Variants in NUBPL observed in about 807,000 individuals in gnomAD.
NUBPL encodes the protein NUBP iron-sulfur cluster assembly factor, mitochondrial.
A neutral mutation model predicts 45.7 loss-of-function variants in NUBPL; 31 were observed. That is an observed-to-expected ratio of 0.68 (90% CI 0.51 to 0.92). The LOEUF (loss-of-function observed/expected upper bound fraction) is 0.92, where lower values mean the gene tolerates loss of function less well. NUBPL is among the 40% of genes least tolerant of loss of function. The pLI is 0.00. For missense variants in NUBPL, 401 were observed against 398.7 expected (o/e 1.01, Z -0.05); for synonymous variants, 144 against 140.9 (o/e 1.02, Z -0.15).
intron 10 of NUBPL, among the ~76,000 whole-genome samples, chr14:31,853,582 C>T (rs2040573659): frequency 6.6e-6 from 1 of 152,156 alleles, no homozygotes; most frequent in African/African-American, 2.4e-5. Flanking sequence ...ATTTAACTTT[C>T]AGAAGAGGCA....
At chr14:31,846,104 C>G (rs2040447585) in intron 8 of NUBPL, 1 of 300,268 alleles carries the variant, frequency 3.3e-6, no homozygotes, top group Non-Finnish European at 6.4e-6. Flanking sequence ...TATTTTGCTA[C>G]CTTGGCTTGT....
intron 3 of NUBPL, among the ~76,000 whole-genome samples, chr14:31,569,115 AG>A (rs1188483880): frequency 1.3e-5 from 2 of 152,200 alleles, no homozygotes; most frequent in East Asian, 3.8e-4. Flanking sequence ...TCACTGGTCT[AG>A]GCTAAAGGAA....
rs2040676460 is a variant in NUBPL, at chr14:31,859,365, T to A, written c.*185T>A. 1 of 619,976 alleles carries A rather than the reference T, an allele frequency of 1.6e-6. No individual in the cohort carries two copies. Among genetic ancestry groups the A allele is most frequent in the Non-Finnish European group, 2.9e-6 (1 of 345,202 alleles). The allele number at this position is 619,976 out of a possible 1,614,324, so 38.4% of individuals were successfully genotyped here. On this transcript the variant is annotated 3_prime_UTR_variant, in exon 11 of 11. Transcript: ENST00000281081. ...AAAACTTTGATGTATCAATGTTAAC[T>A]GCTATATTTAGGAATTTTTTGAAAG...
At chr14:31,747,427 G>A (rs951134807) in intron 6 of NUBPL, among the ~76,000 whole-genome samples, 26 of 151,822 alleles carry the variant, frequency 1.7e-4, no homozygotes, top group African/African-American at 5.3e-4. Flanking sequence ...GTGAGCCACC[G>A]CATCCGGCCT....
At chr14:31,840,053 A>T (rs2040343779) in intron 8 of NUBPL, among the ~76,000 whole-genome samples, 1 of 152,190 alleles carries the variant, frequency 6.6e-6, no homozygotes, top group Non-Finnish European at 1.5e-5. Flanking sequence ...GAGGTTCCTT[A>T]AAAAAATTAA....
At chr14:31,614,731 A>G (rs1252988528) in intron 4 of NUBPL, among the ~76,000 whole-genome samples, 3 of 152,174 alleles carry the variant, frequency 2.0e-5, no homozygotes, top group Non-Finnish European at 4.4e-5. Flanking sequence ...GTTAGTCGGC[A>G]TGAGAAATAC....
At chr14:31,617,075 G>A (rs1373958408) in intron 4 of NUBPL, among the ~76,000 whole-genome samples, 6 of 152,104 alleles carry the variant, frequency 3.9e-5, no homozygotes, top group Non-Finnish European at 7.4e-5. Context: ...CTCTCTGTTT[G>A]TCTGTTATTG....
intron 8 of NUBPL, among the ~76,000 whole-genome samples, chr14:31,835,738 A>G (rs1460978749): frequency 2.0e-5 from 3 of 150,774 alleles, no homozygotes; most frequent in East Asian, 3.9e-4. Flanking sequence ...CTATTTCTGA[A>G]AGAGAAAACA....
At position 31,739,162 on chromosome 14, in the gene NUBPL, C is replaced by T. The variant is rs541367108; in HGVS notation, c.514-48618C>T. On this transcript the variant is annotated intron_variant, in intron 6 of 10. Transcript: ENST00000281081. ...CCGAGTAGCTGGGATTACAGATGCC[C>T]GCCACCACACCTGGCTAATATATAT... Among the ~76,000 whole-genome samples, 188 of 136,492 alleles carry T rather than the reference C, an allele frequency of 1.4e-3. 1 individual carries two copies. The Middle Eastern group carries it at 0.014, about 11-fold the overall frequency. 89.5% of individuals were successfully genotyped at this position (136,492 alleles called of 152,430 possible). A position where few individuals can be genotyped will look rare whatever the true frequency, so the allele number is the denominator to read the frequency against.
chr14:31,622,574 G>C (rs1177394016), intron 4 of NUBPL, among the ~76,000 whole-genome samples: 1 of 152,188 alleles, frequency 6.6e-6, no homozygotes, highest in Admixed American at 6.5e-5. Flanking sequence ...CTTGGGACAT[G>C]GCACCCTACA....
intron 4 of NUBPL, among the ~76,000 whole-genome samples, chr14:31,617,981 G>T (rs1307780480): frequency 6.6e-6 from 1 of 152,056 alleles, no homozygotes; most frequent in Non-Finnish European, 1.5e-5. Flanking sequence ...TCAGGGATTT[G>T]ACTTCTTCCT....
intron 4 of NUBPL, among the ~76,000 whole-genome samples, chr14:31,618,015 G>T (rs1220323093): frequency 2.0e-5 from 3 of 152,174 alleles, no homozygotes; most frequent in Non-Finnish European, 4.4e-5. Flanking sequence ...GAAGGTGTAT[G>T]TCCAGGAATT....
intron 4 of NUBPL, among the ~76,000 whole-genome samples, chr14:31,639,036 C>G (rs2035598434): frequency 1.3e-5 from 2 of 151,944 alleles, no homozygotes; most frequent in Admixed American, 1.3e-4. Context: ...TTTGAGTTTC[C>G]TCCCATAGCT....
chr14:31,747,167 G>A (rs546208485), intron 6 of NUBPL, among the ~76,000 whole-genome samples: 31 of 132,100 alleles, frequency 2.3e-4, no homozygotes, highest in African/African-American at 9.8e-4. Flanking sequence ...TCGGAGTCTC[G>A]CTGTGTTGCC....
intron 7 of NUBPL, among the ~76,000 whole-genome samples, chr14:31,803,182 A>AC (rs1289239992): frequency 1.3e-5 from 2 of 152,178 alleles, no homozygotes; most frequent in African/African-American, 2.4e-5. Flanking sequence ...TAAATGAATG[A>AC]CCCATGCACC....
intron 7 of NUBPL, among the ~76,000 whole-genome samples, chr14:31,806,247 C>A (rs1467458049): frequency 6.6e-6 from 1 of 152,048 alleles, no homozygotes; most frequent in Non-Finnish European, 1.5e-5. Flanking sequence ...CTGAAAAATA[C>A]CTGGTTAAAT....
intron 7 of NUBPL, among the ~76,000 whole-genome samples, chr14:31,808,146 C>G (rs911522952): frequency 3.3e-5 from 5 of 152,122 alleles, no homozygotes; most frequent in Non-Finnish European, 7.3e-5. Flanking sequence ...GTAGTTTTTT[C>G]CAGTTCTGTG....
intron 6 of NUBPL, among the ~76,000 whole-genome samples, chr14:31,688,387 C>T (rs1488042224): frequency 1.3e-5 from 2 of 151,704 alleles, no homozygotes; most frequent in African/African-American, 4.8e-5. Context: ...ACCAGCCTGG[C>T]CAACATAGCA....
At chr14:31,665,501 A>G (rs2036385964) in intron 4 of NUBPL, among the ~76,000 whole-genome samples, 1 of 152,174 alleles carries the variant, frequency 6.6e-6, no homozygotes, top group Non-Finnish European at 1.5e-5. Flanking sequence ...GTCATTCAGG[A>G]GCAGGTTTTT....
Sources: gnomAD v4.1 joint callset for allele counts (sites outside exome capture counted in the v4.1 genomes callset) on GRCh38, gnomAD v4.1.1 for gene constraint, MANE v1.5 for transcripts, NCBI Gene and HGNC (gene_info 2026-07-23, HGNC 2026-07-21) for gene names.